The following DZIP3 variants were observed in gnomAD, a reference collection of about 807,000 sequenced individuals.
The protein encoded by DZIP3 is E3 ubiquitin-protein ligase DZIP3.
DZIP3 carries 118 observed loss-of-function variants against 162.0 expected under a neutral mutation model. The ratio of observed to expected loss-of-function variants is 0.73; its 90% CI spans 0.63 to 0.85. DZIP3 has a LOEUF of 0.85. Ranked by LOEUF, DZIP3 falls within the 40% of genes least tolerant of loss-of-function variation. DZIP3 has a pLI of 0.00. For synonymous variants in DZIP3, 438 were observed against 458.6 expected, an observed-to-expected ratio of 0.96 and a Z score of 0.57; for missense variants, 1,331 against 1,407.0, an observed-to-expected ratio of 0.95 and a Z score of 0.86.
chr3:108,686,102 A>G (rs72945632), intron 27 of DZIP3, among the ~76,000 whole-genome samples: 3,307 of 152,256 alleles, frequency 0.022, 112 homozygotes, highest in African/African-American at 0.074. Flanking sequence ...AACAGCCTTC[A>G]TGTTTTGCTG....
Position 108,661,867 on chromosome 3 carries a change from T to G in DZIP3, c.2200-10T>G. ...GAAAATAATACATGCATATTTCCTG[T>G]GCTCAATAGGGCTCAGCTGGCAAAG... On this transcript the variant is annotated splice_polypyrimidine_tract_variant and intron_variant, in intron 19 of 32. Transcript: ENST00000361582. The G allele has an allele frequency of 6.2e-7, 1 of 1,606,244 alleles. No homozygotes were observed. The highest frequency in any genetic ancestry group is 1.1e-5 in the South Asian group (1 of 89,954).
At chr3:108,623,145 C>CA (rs1443601657) in intron 5 of DZIP3, among the ~76,000 whole-genome samples, 1 of 151,864 alleles carries the variant, frequency 6.6e-6, no homozygotes, top group Non-Finnish European at 1.5e-5. Flanking sequence ...CCTGGAAGCC[C>CA]ACTTGGTGTT....
In DZIP3 at chr3:108,624,527, A is replaced by C. The variant is rs757745957; in HGVS notation, c.456+3A>C. 6.6e-7 allele frequency: 1 copy of C among 1,519,404 alleles called. No individual in the cohort carries two copies. The highest frequency in any genetic ancestry group is 9.0e-7 in the Non-Finnish European group (1 of 1,109,230). 94.1% of individuals were successfully genotyped at this position (1,519,404 alleles called of 1,614,324 possible). A position where few individuals can be genotyped will look rare whatever the true frequency, so the allele number is the denominator to read the frequency against. The stretch of plus-strand genomic sequence containing the variant: ...TCACTGAAAGAGGAAAGAAAGAGGT[A>C]TGTAACATGTTATTTGCCCTTTATA... On this transcript the variant is annotated splice_donor_region_variant and intron_variant, in intron 6 of 32. Coordinates refer to ENST00000361582, the MANE Select transcript of DZIP3 (RefSeq NM_014648.4).
At chr3:108,670,965 TA>T (rs1374736261) in intron 22 of DZIP3, among the ~76,000 whole-genome samples, 2 of 151,922 alleles carry the variant, frequency 1.3e-5, no homozygotes, top group African/African-American at 4.8e-5. Flanking sequence ...TTGCCCATTT[TA>T]AAAATTAGAT....
At position 108,644,159 on chromosome 3, in the gene DZIP3, T is replaced by A; in HGVS notation, c.1142-5T>A. 1 of 1,579,750 alleles carries A rather than the reference T, an allele frequency of 6.3e-7. No homozygotes were observed. Among genetic ancestry groups the A allele is most frequent in the Non-Finnish European group, 8.6e-7 (1 of 1,168,418 alleles). ...ATGTCTTGACTTCTCAAAATTTATTTTCAGATGAAATGCCTATCTTCAAGC... is the reference window on the plus strand; with the variant it reads ...ATGTCTTGACTTCTCAAAATTTATTATCAGATGAAATGCCTATCTTCAAGC... On this transcript the variant is annotated splice_region_variant and splice_polypyrimidine_tract_variant and intron_variant, in intron 13 of 32. Coordinates refer to ENST00000361582, the MANE Select transcript of DZIP3 (RefSeq NM_014648.4).
At chr3:108,654,471 T>C (rs1481879745) in intron 19 of DZIP3, 161 bp downstream of exon 19, 17 of 732,562 alleles carry the variant, frequency 2.3e-5, no homozygotes, top group Non-Finnish European at 3.7e-5. Context: ...TGAAGGAAAA[T>C]AGAATAAGGA....
chr3:108,675,482 T>C (rs933585735), intron 24 of DZIP3, among the ~76,000 whole-genome samples: 7 of 152,044 alleles, frequency 4.6e-5, no homozygotes, highest in African/African-American at 1.4e-4. Context: ...TCCTGCTTCA[T>C]TGGAAAGATT....
chr3:108,661,955 T>TAAAGC lies in DZIP3; in HGVS notation c.2278_2279insAAAGC (p.Leu760Ter), dbSNP rs757828691. The TAAAGC allele has an allele frequency of 2.5e-6, 4 of 1,613,768 alleles. No individual in the cohort carries two copies. Among genetic ancestry groups the TAAAGC allele is most frequent in the Non-Finnish European group, 2.5e-6 (3 of 1,179,862 alleles). ...TGCTCGTCAAAGGCAGCTTTATAAA[T>TAAAGC]TGCACTATCAGTGTGAAGTAAGTAT... On this transcript the variant is annotated stop_gained and frameshift_variant, in exon 20 of 33. Transcript: ENST00000361582. LOFTEE classifies it high-confidence loss of function.
Position 108,686,562 on chromosome 3 carries a change from A to G in DZIP3, c.3127A>G (p.Thr1043Ala), listed in dbSNP as rs755230406. ...NWERITDRLK[T>A]AFPQQTRKEL... ...GGAGAGAATTACAGACAGGCTGAAAACTGCCTTTCCACAGCAAACCAGGTA... is the reference window on the plus strand; with the variant it reads ...GGAGAGAATTACAGACAGGCTGAAAGCTGCCTTTCCACAGCAAACCAGGTA... The change falls in exon 28 of 33, where the codon ACT becomes GCT. Residue 1043 changes from threonine to alanine, a missense_variant. Physicochemically the swap from Thr to Ala is moderately conservative, Grantham distance 58. Around this residue, in one of 2 missense-constraint regions of DZIP3, gnomAD observed 1,278 missense variants for 1,317.1 expected, o/e 0.97. Coordinates refer to ENST00000361582, the MANE Select transcript of DZIP3 (RefSeq NM_014648.4). 4 of 1,608,998 alleles carry G rather than the reference A, an allele frequency of 2.5e-6. No homozygotes were observed. Among genetic ancestry groups the G allele is most frequent in the Non-Finnish European group, 3.4e-6 (4 of 1,178,380 alleles).
intron 19 of DZIP3, among the ~76,000 whole-genome samples, chr3:108,655,749 C>G (rs13320068): frequency 0.019 from 2,893 of 152,240 alleles, 98 homozygotes; most frequent in African/African-American, 0.066. Flanking sequence ...CTTTCCTAGC[C>G]AAGGAAAGGG....
At chr3:108,681,929 G>C (rs1184634803) in intron 26 of DZIP3, among the ~76,000 whole-genome samples, 1 of 149,276 alleles carries the variant, frequency 6.7e-6, no homozygotes, top group East Asian at 1.9e-4. Flanking sequence ...GGGGCCTGTC[G>C]GGGGGTGGGG....
intron 31 of DZIP3, 74 bp from the exon 32 acceptor site, chr3:108,690,713 C>A: frequency 7.4e-7 from 1 of 1,352,712 alleles, no homozygotes; most frequent in Non-Finnish European, 1.0e-6. Flanking sequence ...GGTTGGTAAC[C>A]CTGATGCATA....
intron 19 of DZIP3, among the ~76,000 whole-genome samples, chr3:108,661,660 C>T (rs1943441950): frequency 6.6e-6 from 1 of 151,920 alleles, no homozygotes; most frequent in Non-Finnish European, 1.5e-5. Context: ...AAATGGTAAG[C>T]ATGCCGGTAG....
chr3:108,616,256 T>C (rs566471522), intron 4 of DZIP3, among the ~76,000 whole-genome samples: 1 of 142,436 alleles, frequency 7.0e-6, no homozygotes, highest in East Asian at 2.1e-4. Context: ...AGAGCGAGAC[T>C]CCATCTCAAA....
At chr3:108,634,824 A>G (rs752643043) in intron 9 of DZIP3, 47 bp from the exon 10 acceptor site, 5 of 1,232,972 alleles carry the variant, frequency 4.1e-6, no homozygotes, top group Non-Finnish European at 5.8e-6. Context: ...TTATCTATAC[A>G]AGAATCACCA....
chr3:108,658,948 T>C (rs1453173644), intron 19 of DZIP3, among the ~76,000 whole-genome samples: 1 of 152,104 alleles, frequency 6.6e-6, no homozygotes, highest in Non-Finnish European at 1.5e-5. Flanking sequence ...CAGGAAGAAG[T>C]TGAATCTCTG....
chr3:108,631,062 C>T (rs1576386045), intron 8 of DZIP3, among the ~76,000 whole-genome samples: 1 of 134,674 alleles, frequency 7.4e-6, no homozygotes, highest in Non-Finnish European at 1.6e-5. Context: ...CACACTCTCT[C>T]TCTCTCTCTC....
At chr3:108,616,402 A>G (rs997664480) in intron 4 of DZIP3, 139 bp from the exon 5 acceptor site, 1 of 473,950 alleles carries the variant, frequency 2.1e-6, no homozygotes, top group Non-Finnish European at 3.5e-6. Flanking sequence ...TCTGGTTGGT[A>G]TGGATTTTTT....
chr3:108,631,045 A>ACTCTCTCTCT (rs1273420432), intron 8 of DZIP3, among the ~76,000 whole-genome samples: 11 of 81,854 alleles, frequency 1.3e-4, no homozygotes, highest in African/African-American at 2.2e-4. Context: ...ACACACACAC[A>ACTCTCTCTCT]CACACACACA....
Sources: gnomAD v4.1 joint callset for allele counts (sites outside exome capture counted in the v4.1 genomes callset) on GRCh38, gnomAD v4.1.1 for gene constraint, gnomAD v4.1.1 regional missense constraint, MANE v1.5 for transcripts, NCBI Gene and HGNC (gene_info 2026-07-23, HGNC 2026-07-21) for gene names.